ADGRA3: variants seen among roughly 807,000 people sequenced by gnomAD.
ADGRA3 encodes G-protein coupled receptor 125.
Under a neutral mutation model 119.8 loss-of-function variants are expected in ADGRA3, and 56 were observed. The observed-to-expected ratio is 0.47, with a 90% CI of 0.38 to 0.58. ADGRA3 has a LOEUF of 0.58. ADGRA3 is among the 20% of genes least tolerant of loss of function. ADGRA3 has a pLI of 0.00. For missense variants in ADGRA3, 1,516 were observed against 1,649.0 expected (o/e 0.92, Z 1.40); for synonymous variants, 607 against 623.8 (o/e 0.97, Z 0.40).
In ADGRA3 at chr4:22,454,903, C is replaced by T. The variant is rs1717187278; in HGVS notation, c.436G>A (p.Ala146Thr). The T allele has an allele frequency of 1.9e-6, 3 of 1,613,232 alleles. No homozygotes were observed. The highest frequency in any genetic ancestry group is 2.5e-6 in the Non-Finnish European group (3 of 1,179,338). Residue 146 changes from alanine (A) to threonine (T), a missense_variant, in exon 4 of 19, where the codon GCA (alanine) becomes ACA (threonine). Physicochemically the swap from Ala to Thr is moderately conservative, Grantham distance 58. This residue lies in a region of ADGRA3 where 428 missense variants were observed against 541.9 expected (regional missense o/e 0.79). Coordinates refer to ENST00000334304, the MANE Select transcript of ADGRA3 (RefSeq NM_145290.4). ...TTGGTGAGTCCTCGAAATATGTCTGCATTCAGACATCCTATTCGATTGTTT... is the reference window on the plus strand; with the variant it reads ...TTGGTGAGTCCTCGAAATATGTCTGTATTCAGACATCCTATTCGATTGTTT... ...LTNNRIGCLN[A>T]DIFRGLTNLV...
At position 22,392,734 on chromosome 4, in the gene ADGRA3, C is replaced by G. The variant is rs188395845; in HGVS notation, c.2482-44G>C. On this transcript the variant is annotated intron_variant, in intron 16 of 18. Transcript: ENST00000334304. ...AATAAATAAAAGAAAAAAAATGTTCCTACTAAGGCTTACCTCAAAATTGGT... is the reference window on the plus strand; with the variant it reads ...AATAAATAAAAGAAAAAAAATGTTCGTACTAAGGCTTACCTCAAAATTGGT... 991 of 1,560,578 alleles carry G rather than the reference C, an allele frequency of 6.4e-4. 5 individuals are homozygous for G. The highest frequency in any genetic ancestry group is 3.7e-4 in the Non-Finnish European group (431 of 1,152,988).
At chr4:22,514,757 C>A (rs898873734) in intron 1 of ADGRA3, among the ~76,000 whole-genome samples, 19 of 152,180 alleles carry the variant, frequency 1.2e-4, no homozygotes, top group Non-Finnish European at 2.2e-4. Context: ...GGCAAAACTA[C>A]GTTTGCAAAA....
At chr4:22,501,323 C>T (rs1301453800) in intron 1 of ADGRA3, among the ~76,000 whole-genome samples, 1 of 128,960 alleles carries the variant, frequency 7.8e-6, no homozygotes, top group Non-Finnish European at 1.8e-5. Context: ...TCTGAAATCC[C>T]ATTTTCTTGA....
In ADGRA3 at chr4:22,413,790, G is replaced by A. The variant is rs1364998880; in HGVS notation, c.1834C>T (p.Gln612Ter). Residue 612 changes from glutamine to a stop codon, truncating the protein, a stop_gained, in exon 13 of 19, where the codon CAG becomes TAG. Transcript: ENST00000334304. LOFTEE classifies it high-confidence loss of function. Reference sequence around the variant, plus strand: ...GGTGAGAAAAGGGAAGGAGGAAGCTGAATAGAAGCCTCCACAATAGTATTC... The same window carrying A: ...GGTGAGAAAAGGGAAGGAGGAAGCTAAATAGAAGCCTCCACAATAGTATTC... Reference protein sequence around the residue: ...LKNTIVEASIQLPPSLFSPKQ... With the variant: ...LKNTIVEASI 6.2e-7 allele frequency: 1 copy of A among 1,612,650 alleles called. No homozygotes were observed.
intron 10 of ADGRA3, among the ~76,000 whole-genome samples, chr4:22,432,428 G>GA (rs34560175): frequency 0.67 from 101,100 of 151,514 alleles, 34,487 homozygotes; most frequent in Non-Finnish European, 0.74. Context: ...GTAAGATCAA[G>GA]AAAAAAAAGA....
chr4:22,465,580 A>G (rs1271623448), intron 2 of ADGRA3, among the ~76,000 whole-genome samples: 4 of 152,190 alleles, frequency 2.6e-5, no homozygotes, highest in Non-Finnish European at 5.9e-5. Context: ...TGGATGCACA[A>G]ACCAGTAAAT....
At chr4:22,484,695 G>A (rs1382129075) in intron 1 of ADGRA3, among the ~76,000 whole-genome samples, 2 of 152,058 alleles carry the variant, frequency 1.3e-5, no homozygotes, top group Admixed American at 6.5e-5. Flanking sequence ...GAGAAGGCTG[G>A]GGGTGACAGA....
intron 1 of ADGRA3, among the ~76,000 whole-genome samples, chr4:22,489,637 T>G (rs1718555030): frequency 6.6e-6 from 1 of 152,184 alleles, no homozygotes; most frequent in East Asian, 1.9e-4. Context: ...CTACTAAAAT[T>G]TCCAAATTCC....
chr4:22,421,695 A>T (rs1715689416), intron 11 of ADGRA3, among the ~76,000 whole-genome samples: 2 of 152,050 alleles, frequency 1.3e-5, no homozygotes, highest in Admixed American at 1.3e-4. Flanking sequence ...CCTGGTCAAC[A>T]TGGTGAAGCT....
chr4:22,404,453 A>G (rs896739786), intron 14 of ADGRA3, among the ~76,000 whole-genome samples: 9 of 152,198 alleles, frequency 5.9e-5, no homozygotes, highest in Non-Finnish European at 1.0e-4. Flanking sequence ...CAAAAACCAC[A>G]GTAAGTGGGA....
intron 1 of ADGRA3, among the ~76,000 whole-genome samples, chr4:22,493,616 T>A (rs1055232215): frequency 6.6e-6 from 1 of 152,166 alleles, no homozygotes; most frequent in Non-Finnish European, 1.5e-5. Context: ...GGTAAAGCAC[T>A]AGGACTTTTT....
At chr4:22,414,877 A>T (rs1401835745) in intron 12 of ADGRA3, among the ~76,000 whole-genome samples, 3 of 152,092 alleles carry the variant, frequency 2.0e-5, no homozygotes, top group African/African-American at 7.2e-5. Context: ...TCATCTCACA[A>T]ACTTTTGAAT....
rs1019095837 is a variant in ADGRA3, at chr4:22,442,696, T to C, written c.874A>G (p.Ile292Val). ...TGAATCATGTTCTTTTCAACAAAAA[T>C]ACCTTGCGATTCATCGGTTTCAACT... The part of the protein sequence containing the change: ...RIVETDESQG[I>V]FVEKNMIHNC... The change falls in exon 7 of 19, where the codon ATT becomes GTT. Residue 292 changes from isoleucine (I) to valine (V), a missense_variant. Ile to Val is a conservative substitution (Grantham distance 29). Coordinates refer to ENST00000334304, the MANE Select transcript of ADGRA3 (RefSeq NM_145290.4). The C allele has an allele frequency of 3.7e-6, 6 of 1,612,980 alleles. No homozygotes were observed. Among genetic ancestry groups the C allele is most frequent in the African/African-American group, 1.3e-5 (1 of 74,670 alleles).
At chr4:22,482,192 G>A (rs1233926578) in intron 1 of ADGRA3, among the ~76,000 whole-genome samples, 1 of 152,016 alleles carries the variant, frequency 6.6e-6, no homozygotes, top group Non-Finnish European at 1.5e-5. Context: ...AAATCACTCT[G>A]TTCAGGCATT....
At chr4:22,402,622 A>C in intron 15 of ADGRA3, 53 bp downstream of exon 15, 1 of 1,569,524 alleles carries the variant, frequency 6.4e-7, no homozygotes, top group Non-Finnish European at 8.7e-7. Context: ...ATGTGAAATA[A>C]AGTCCTTCAA....
At chr4:22,412,167 A>T (rs768916079) in intron 14 of ADGRA3, among the ~76,000 whole-genome samples, 3 of 152,176 alleles carry the variant, frequency 2.0e-5, no homozygotes, top group Non-Finnish European at 4.4e-5. Context: ...GAAGTTCCTC[A>T]CACCCAGAGT....
At chr4:22,412,488 G>A (rs940012847) in intron 14 of ADGRA3, among the ~76,000 whole-genome samples, 1 of 152,034 alleles carries the variant, frequency 6.6e-6, no homozygotes. Flanking sequence ...AATGCTCCTT[G>A]GAGGATTTCA....
chr4:22,443,157 C>A (rs1033610928), intron 6 of ADGRA3: 3 of 646,064 alleles, frequency 4.6e-6, no homozygotes, highest in South Asian at 1.7e-5. Flanking sequence ...ACAAGCTGTG[C>A]TCTAGAAAAT....
chr4:22,421,317 G>A (rs1336290425), intron 11 of ADGRA3, among the ~76,000 whole-genome samples: 2 of 150,226 alleles, frequency 1.3e-5, no homozygotes, highest in African/African-American at 4.9e-5. Context: ...CAAAAAAAAG[G>A]AAAAGAAGAA....
Sources: gnomAD v4.1 joint callset for allele counts (sites outside exome capture counted in the v4.1 genomes callset) on GRCh38, gnomAD v4.1.1 for gene constraint, gnomAD v4.1.1 regional missense constraint, MANE v1.5 for transcripts, NCBI Gene and HGNC (gene_info 2026-07-23, HGNC 2026-07-21) for gene names.